NALF1: variants seen among roughly 807,000 people sequenced by gnomAD.
The protein encoded by NALF1 is NALCN channel auxiliary factor 1.
In NALF1, 3 loss-of-function variants were observed where a neutral mutation model predicts 48.4. The ratio of observed to expected loss-of-function variants is 0.06; its 90% confidence interval spans 0.03 to 0.16. NALF1 has a LOEUF of 0.16. Ranked by LOEUF, NALF1 falls within the 10% of genes least tolerant of loss-of-function variation. The pLI, the probability that NALF1 is intolerant of heterozygous loss-of-function variation, is 1.00. For synonymous variants in NALF1, 262 were observed against 245.7 expected (o/e 1.07, Z -0.62); for missense variants, 526 against 571.5 (o/e 0.92, Z 0.81).
At chr13:107,612,529 T>G (rs556694414) in intron 1 of NALF1, among the ~76,000 whole-genome samples, 24 of 152,204 alleles carry the variant, frequency 1.6e-4, no homozygotes, top group Admixed American at 6.5e-4. Context: ...ATCGGGAGAA[T>G]GAGTAGAACA....
At chr13:107,233,560 A>C (rs1880273859) in intron 1 of NALF1, among the ~76,000 whole-genome samples, 1 of 133,722 alleles carries the variant, frequency 7.5e-6, no homozygotes, top group South Asian at 2.8e-4. Context: ...ATAAATATCT[A>C]AGTGGAAAAC....
chr13:107,404,387 C>A (rs1883864566), intron 1 of NALF1, among the ~76,000 whole-genome samples: 1 of 151,686 alleles, frequency 6.6e-6, no homozygotes, highest in Admixed American at 6.6e-5. Context: ...AAGATTTGTC[C>A]CATAAGAGAA....
chr13:107,440,048 T>C (rs1158973173), intron 1 of NALF1, among the ~76,000 whole-genome samples: 1 of 152,202 alleles, frequency 6.6e-6, no homozygotes, highest in East Asian at 1.9e-4. Context: ...ATTTTGTCCA[T>C]TATAACTGCA....
chr13:107,333,658 A>C (rs1397574072), intron 1 of NALF1, among the ~76,000 whole-genome samples: 2 of 152,244 alleles, frequency 1.3e-5, no homozygotes, highest in Non-Finnish European at 2.9e-5. Flanking sequence ...TGGATCTGGA[A>C]AAAGACCAAA....
chr13:107,799,346 C>G (rs1228204235), intron 1 of NALF1, among the ~76,000 whole-genome samples: 1 of 152,118 alleles, frequency 6.6e-6, no homozygotes, highest in Admixed American at 6.5e-5. Flanking sequence ...CTTGCAGGTA[C>G]GGAGATGAAA....
At chr13:107,672,219 G>T (rs1881007898) in intron 1 of NALF1, among the ~76,000 whole-genome samples, 1 of 152,234 alleles carries the variant, frequency 6.6e-6, no homozygotes, top group African/African-American at 2.4e-5. Flanking sequence ...CTTCCATAAA[G>T]GTGTCATGAG....
intron 1 of NALF1, among the ~76,000 whole-genome samples, chr13:107,843,527 C>T (rs1880094988): frequency 6.6e-6 from 1 of 152,182 alleles, no homozygotes; most frequent in South Asian, 2.1e-4. Flanking sequence ...AATGCAGATG[C>T]TCAGCCCCAC....
At chr13:107,771,248 T>TTTTGTGTGTGTGTG (rs1555324699) in intron 1 of NALF1, among the ~76,000 whole-genome samples, 1 of 150,928 alleles carries the variant, frequency 6.6e-6, no homozygotes, top group South Asian at 2.1e-4. Flanking sequence ...TTTTAACATG[T>TTTTGTGTGTGTGTG]TGTGTGTGTG....
At chr13:107,272,882 G>A (rs536976238) in intron 1 of NALF1, among the ~76,000 whole-genome samples, 37 of 152,242 alleles carry the variant, frequency 2.4e-4, no homozygotes, top group Admixed American at 3.3e-4. Context: ...ACACATATAC[G>A]TGTATAAACT....
intron 1 of NALF1, among the ~76,000 whole-genome samples, chr13:107,223,455 C>G (rs2138817566): frequency 6.6e-6 from 1 of 152,238 alleles, no homozygotes; most frequent in East Asian, 1.9e-4. Context: ...TACTGAGATT[C>G]AGCAGAATGT....
chr13:107,326,383 C>T lies in NALF1; in HGVS notation c.916-115628G>A, dbSNP rs191938681. On this transcript the variant is annotated intron_variant, in intron 1 of 2. Transcript: ENST00000375915. Reference sequence around the variant, plus strand: ...ATCTGGCCAGTCACAGGTATTAGAGCGATGCCATGTAAATTACCAACTTTA... The same window carrying T: ...ATCTGGCCAGTCACAGGTATTAGAGTGATGCCATGTAAATTACCAACTTTA... 1.2e-3 allele frequency among the ~76,000 whole-genome samples: 186 copies of T among 152,190 alleles called. 1 individual carries two copies. The highest frequency in any genetic ancestry group is 1.7e-3 in the Non-Finnish European group (114 of 68,010).
At chr13:107,183,843 A>C (rs1270448502) in intron 2 of NALF1, among the ~76,000 whole-genome samples, 1 of 152,110 alleles carries the variant, frequency 6.6e-6, no homozygotes, top group African/African-American at 2.4e-5. Context: ...GGGCCTGTCG[A>C]GGGGAGGAGG....
intron 1 of NALF1, among the ~76,000 whole-genome samples, chr13:107,807,095 C>A (rs1302289780): frequency 6.6e-6 from 1 of 152,120 alleles, no homozygotes; most frequent in Non-Finnish European, 1.5e-5. Flanking sequence ...TATTCACATT[C>A]TTTCATTATT....
intron 1 of NALF1, among the ~76,000 whole-genome samples, chr13:107,344,481 A>T (rs1882738648): frequency 6.6e-6 from 1 of 152,198 alleles, no homozygotes; most frequent in East Asian, 1.9e-4. Flanking sequence ...TAAAAAGATT[A>T]GACACTGTGA....
intron 1 of NALF1, among the ~76,000 whole-genome samples, chr13:107,716,038 T>C (rs932637369): frequency 2.0e-5 from 3 of 152,090 alleles, no homozygotes; most frequent in Non-Finnish European, 4.4e-5. Context: ...AGAAGGAAAC[T>C]TAGGGTGTTA....
chr13:107,214,467 G>T (rs746420640), intron 1 of NALF1, among the ~76,000 whole-genome samples: 1 of 152,074 alleles, frequency 6.6e-6, no homozygotes, highest in Non-Finnish European at 1.5e-5. Flanking sequence ...TATATGAAAC[G>T]AAAGAATAAC....
intron 1 of NALF1, among the ~76,000 whole-genome samples, chr13:107,302,082 T>C (rs771950592): frequency 7.2e-5 from 11 of 152,168 alleles, no homozygotes; most frequent in Non-Finnish European, 1.0e-4. Flanking sequence ...AATGGATTGA[T>C]AGATTAATGG....
At chr13:107,700,446 C>CA (rs1164412103) in intron 1 of NALF1, among the ~76,000 whole-genome samples, 52 of 140,820 alleles carry the variant, frequency 3.7e-4, no homozygotes, top group African/African-American at 1.2e-3. Flanking sequence ...TTTTCACAGG[C>CA]AAAAAAAAAT....
intron 1 of NALF1, among the ~76,000 whole-genome samples, chr13:107,699,303 A>C (rs1881765869): frequency 6.6e-6 from 1 of 152,164 alleles, no homozygotes; most frequent in Non-Finnish European, 1.5e-5. Flanking sequence ...GGAAAGATAC[A>C]TTACTGAGAA....
Sources: allele counts gnomAD v4.1 joint callset (sites outside exome capture counted in the v4.1 genomes callset), GRCh38; gene constraint gnomAD v4.1.1; transcripts MANE v1.5; gene names NCBI Gene and HGNC (gene_info 2026-07-23, HGNC 2026-07-21).